The following DPH6 variants were observed in gnomAD, a reference collection of about 807,000 sequenced individuals.
DPH6 encodes the protein diphthine--ammonia ligase.
DPH6 carries 33 observed loss-of-function variants against 38.2 expected under a neutral mutation model. The observed-to-expected ratio is 0.86, with a 90% confidence interval of 0.65 to 1.15. The LOEUF is 1.15. Among genes scored for constraint, DPH6 ranks in the 50% most tolerant of loss-of-function variants. The pLI is 0.00. For missense variants in DPH6, 325 were observed against 320.0 expected (o/e 1.02, Z -0.12); for synonymous variants, 108 against 103.0 (o/e 1.05, Z -0.30).
At chr15:35,267,203 C>G (rs924206487) in intron 3 of DPH6, among the ~76,000 whole-genome samples, 19 of 152,282 alleles carry the variant, frequency 1.2e-4, no homozygotes, top group Admixed American at 9.2e-4. Flanking sequence ...TCCAAAGAGC[C>G]TTGTAAACTG....
At chr15:35,222,570 A>C (rs2051449658) in intron 3 of DPH6, among the ~76,000 whole-genome samples, 1 of 152,174 alleles carries the variant, frequency 6.6e-6, no homozygotes, top group Non-Finnish European at 1.5e-5. Context: ...TAGATGAGAA[A>C]TGGTTGCATT....
At chr15:35,293,367 T>C (rs1215092368) in intron 3 of DPH6, among the ~76,000 whole-genome samples, 1 of 152,236 alleles carries the variant, frequency 6.6e-6, no homozygotes, top group Non-Finnish European at 1.5e-5. Context: ...AATAGGCTTA[T>C]CTCCTTTTCC....
chr15:35,378,655 G>A (rs2052815939), intron 7 of DPH6, among the ~76,000 whole-genome samples: 2 of 152,126 alleles, frequency 1.3e-5, no homozygotes, highest in African/African-American at 4.8e-5. Flanking sequence ...CAGAAAAAAG[G>A]ATGAGTTCAT....
At chr15:35,178,791 C>T in the DPH6 span, among the ~76,000 whole-genome samples, 1 of 152,044 alleles carries the variant, frequency 6.6e-6, no homozygotes, top group Non-Finnish European at 1.5e-5. Context: ...GTATCAGGGG[C>T]CTACCATTTA....
chr15:35,218,399 T>C (rs1348624210), exon 4 of DPH6: 2 of 152,194 alleles, frequency 1.3e-5, no homozygotes, highest in Non-Finnish European at 2.9e-5. Flanking sequence ...GCACAAAAGA[T>C]TCAGTGACCT....
downstream of DPH6, among the ~76,000 whole-genome samples, chr15:35,328,427 G>T (rs2052302276): frequency 6.6e-6 from 1 of 152,018 alleles, no homozygotes; most frequent in Admixed American, 6.6e-5. Context: ...TCTAAACGTT[G>T]TGAGTACAGA....
the DPH6 span, among the ~76,000 whole-genome samples, chr15:35,186,096 T>G: frequency 6.6e-6 from 1 of 152,218 alleles, no homozygotes; most frequent in South Asian, 2.1e-4. Context: ...TGCTCACCAG[T>G]CGGAAGCAGA....
the DPH6 span, among the ~76,000 whole-genome samples, chr15:35,162,319 T>C: frequency 4.7e-4 from 71 of 152,056 alleles, no homozygotes; most frequent in South Asian, 2.3e-3. Flanking sequence ...ACATTCAGAA[T>C]AAAATCCAGC....
intron 6 of DPH6, among the ~76,000 whole-genome samples, chr15:35,392,485 C>T (rs1374290257): frequency 5.3e-5 from 8 of 151,394 alleles, no homozygotes; most frequent in South Asian, 4.2e-4. Flanking sequence ...TTACAAAAAT[C>T]GCAATTTCAT....
chr15:35,152,807 T>C, the DPH6 span, among the ~76,000 whole-genome samples: 4 of 152,204 alleles, frequency 2.6e-5, no homozygotes, highest in South Asian at 2.1e-4. Flanking sequence ...CCAGATTACA[T>C]TGCATTTTTG....
chr15:35,184,337 G>A, the DPH6 span, among the ~76,000 whole-genome samples: 3 of 152,156 alleles, frequency 2.0e-5, no homozygotes, highest in African/African-American at 4.8e-5. Context: ...AAACTCCTTA[G>A]AAGTGCAATT....
rs202062754 is a variant in DPH6, at chr15:35,335,372, TTTTTATTTTA to T, written n.208-4305_208-4296del. 8.5e-5 allele frequency among the ~76,000 whole-genome samples: 13 copies of T among 152,184 alleles called. No homozygotes were observed. In the East Asian group the frequency reaches 2.5e-3, roughly 29 times the overall value. On this transcript the variant is annotated intron_variant and non_coding_transcript_variant, in intron 3 of 3. Coordinates refer to the DPH6 transcript ENST00000558973. ...TTTACTTTGTTGATAGTTTTTTTAT[TTTTTATTTTA>T]TTTTATTTTTCTGCTATGCTCTTTA...
chr15:35,364,783 A>T (rs1337673358), intron 3 of DPH6, among the ~76,000 whole-genome samples: 1 of 151,468 alleles, frequency 6.6e-6, no homozygotes, highest in Non-Finnish European at 1.5e-5. Flanking sequence ...GGTTCATAAG[A>T]CTTCTTGAAT....
At chr15:35,164,611 A>G in the DPH6 span, among the ~76,000 whole-genome samples, 3 of 151,898 alleles carry the variant, frequency 2.0e-5, no homozygotes, top group African/African-American at 7.2e-5. Flanking sequence ...TTGAATTATA[A>G]TAATATAGCG....
Position 35,389,675 on chromosome 15 carries a change from T to C in DPH6, c.568-7759A>G, listed in dbSNP as rs1207366712. Among the ~76,000 whole-genome samples, 6 of 152,326 alleles carry C rather than the reference T, an allele frequency of 3.9e-5. No homozygotes were observed. In the East Asian group the frequency reaches 1.2e-3, roughly 29 times the overall value. On this transcript the variant is annotated intron_variant, in intron 6 of 8. Transcript: ENST00000256538. ...ACTAGGATTGCAATCCCTGCCTTTT[T>C]TTGTTTTCGATTTGCTTGGTAGATC...
intron 3 of DPH6, among the ~76,000 whole-genome samples, chr15:35,464,221 G>C (rs1202034999): frequency 1.3e-5 from 2 of 151,714 alleles, no homozygotes; most frequent in Admixed American, 1.3e-4. Context: ...TTGAACCAGG[G>C]AGTCAGAGGT....
chr15:35,456,308 A>G (rs1276918992), intron 3 of DPH6, among the ~76,000 whole-genome samples: 1 of 151,912 alleles, frequency 6.6e-6, no homozygotes, highest in African/African-American at 2.4e-5. Context: ...TTATATTCCT[A>G]TATCATATAG....
chr15:35,196,494 T>C, the DPH6 span, among the ~76,000 whole-genome samples: 2 of 152,126 alleles, frequency 1.3e-5, no homozygotes, highest in Admixed American at 6.5e-5. Flanking sequence ...GTGTGGTAAG[T>C]ATGCTGGGAG....
At chr15:35,312,342 C>T (rs1245123220) in intron 3 of DPH6, among the ~76,000 whole-genome samples, 2 of 152,178 alleles carry the variant, frequency 1.3e-5, no homozygotes, top group African/African-American at 4.8e-5. Context: ...CACAGTCTCA[C>T]AGTCCTATGG....
Sources: gnomAD v4.1 joint callset for allele counts (sites outside exome capture counted in the v4.1 genomes callset) on GRCh38, gnomAD v4.1.1 for gene constraint, MANE v1.5 for transcripts, NCBI Gene and HGNC (gene_info 2026-07-23, HGNC 2026-07-21) for gene names.